Variants in KANK2 observed in about 807,000 individuals in gnomAD.
KANK2 encodes KN motif and ankyrin repeat domain-containing protein 2.
In KANK2, 41 loss-of-function variants were observed where a neutral mutation model predicts 74.6. The ratio of observed to expected loss-of-function variants is 0.55; its 90% CI spans 0.43 to 0.71. The LOEUF (loss-of-function observed/expected upper bound fraction) is 0.71, where lower values mean the gene tolerates loss of function less well. Ranked by LOEUF, KANK2 falls within the 30% of genes least tolerant of loss-of-function variation. The pLI is 0.00. For missense variants in KANK2, 1,148 were observed against 1,196.4 expected (o/e 0.96, Z 0.60); for synonymous variants, 537 against 519.0 (o/e 1.03, Z -0.47).
chr19:11,192,718 C>T (rs766404783), intron 4 of KANK2, 113 bp downstream of exon 4: 27 of 1,328,146 alleles, frequency 2.0e-5, no homozygotes, highest in Middle Eastern at 1.8e-4. Context: ...TACAGGCATG[C>T]GCCACCGCAC....
At chr19:11,189,215 C>T (rs902843775) in intron 4 of KANK2, among the ~76,000 whole-genome samples, 17 of 151,044 alleles carry the variant, frequency 1.1e-4, no homozygotes, top group Non-Finnish European at 2.1e-4. Context: ...TTTTGGCCTC[C>T]GAAAGCTCCA....
At position 11,173,124 on chromosome 19, in the gene KANK2, C is replaced by G; in HGVS notation, c.2069-1G>C. 6.2e-7 allele frequency: 1 copy of G among 1,612,000 alleles called. No individual in the cohort carries two copies. Among genetic ancestry groups the G allele is most frequent in the Non-Finnish European group, 8.5e-7 (1 of 1,178,986 alleles). Reference sequence around the variant, plus strand: ...TTCTGTTTGTCCACCTTGCAGACACCTAAGAGACATGGTGTGAACCCTCAG... The same window carrying G: ...TTCTGTTTGTCCACCTTGCAGACACGTAAGAGACATGGTGTGAACCCTCAG... On this transcript the variant is annotated splice_acceptor_variant, in intron 9 of 12. Coordinates refer to ENST00000586659, the MANE Select transcript of KANK2 (RefSeq NM_001136191.3). LOFTEE classifies it high-confidence loss of function.
intron 12 of KANK2, among the ~76,000 whole-genome samples, chr19:11,166,948 A>G (rs932905321): frequency 2.0e-5 from 3 of 152,184 alleles, no homozygotes; most frequent in Admixed American, 2.0e-4. Flanking sequence ...AGGCCCTGGG[A>G]TAAGTGCAGA....
chr19:11,186,566 G>C (rs2147546093), intron 4 of KANK2, among the ~76,000 whole-genome samples: 1 of 151,928 alleles, frequency 6.6e-6, no homozygotes, highest in South Asian at 2.1e-4. Context: ...GCGTGGTGGG[G>C]CGCATGCCTG....
chr19:11,172,706 C>T (rs931700249), intron 10 of KANK2, among the ~76,000 whole-genome samples: 15 of 152,252 alleles, frequency 9.9e-5, no homozygotes, highest in East Asian at 7.7e-4. Flanking sequence ...CCTGCTTGTT[C>T]GCCATTTCAG....
At chr19:11,188,732 C>T (rs1459075858) in intron 4 of KANK2, among the ~76,000 whole-genome samples, 1 of 151,670 alleles carries the variant, frequency 6.6e-6, no homozygotes, top group African/African-American at 2.4e-5. Flanking sequence ...GCCTGTAATC[C>T]CAGCACTTTG....
chr19:11,193,450 A>G lies in KANK2; in HGVS notation c.630T>C (p.Pro210=). The part of the protein sequence containing the change: ...RQLEEQVKLI[P]VLQVKLSVLQ... ...GCACCGAGAGCTTCACCTGGAGCAC[A>G]GGGATCAGCTTCACCTGCTCCTCCA... is the stretch of plus-strand genomic sequence containing the variant. The change falls in exon 4 of 13, where the codon CCT becomes CCC. Residue 210 remains proline, a synonymous_variant. Transcript: ENST00000586659. This position sits in a 1 kb window ranked among gnomAD's most constrained non-coding sequence, Gnocchi z 9.6. 1.2e-6 allele frequency: 2 copies of G among 1,611,888 alleles called. No homozygotes were observed. The highest frequency in any genetic ancestry group is 1.7e-6 in the Non-Finnish European group (2 of 1,179,848).
At position 11,169,293 on chromosome 19, in the gene KANK2, G is replaced by C. The variant is rs148132045; in HGVS notation, c.2502+584C>G. Among the ~76,000 whole-genome samples, 19 of 152,208 alleles carry C rather than the reference G, an allele frequency of 1.2e-4. No homozygotes were observed. In the East Asian group the frequency reaches 3.7e-3, roughly 29 times the overall value. ...ATACAGGTTACAGTGAGCCAAGATT[G>C]TGCCACTGTACTCCAGCCTGGGTGA... On this transcript the variant is annotated intron_variant, in intron 12 of 12. Coordinates refer to ENST00000586659, the MANE Select transcript of KANK2 (RefSeq NM_001136191.3).
intron 4 of KANK2, among the ~76,000 whole-genome samples, chr19:11,189,855 A>G (rs2078790221): frequency 6.6e-6 from 1 of 152,146 alleles, no homozygotes; most frequent in Non-Finnish European, 1.5e-5. Flanking sequence ...TGCCTCTCAG[A>G]GATTCCGAGG....
At position 11,169,954 on chromosome 19, in the gene KANK2, C is replaced by T. The variant is rs748921684; in HGVS notation, c.2425G>A (p.Ala809Thr). 22 of 1,614,092 alleles carry T rather than the reference C, an allele frequency of 1.4e-5. No individual in the cohort carries two copies. The East Asian group carries it at 3.8e-4, about 28-fold the overall frequency. The part of the protein sequence containing the change: ...ISLTDRDGST[A>T]LMVALDAGQS... ...CCTGCGTCCAAGGCCACCATCAGAG[C>T]TGTGCTCCCATCCTGCAAAGTATCC... The change falls in exon 12 of 13, where the codon GCT becomes ACT. Residue 809 changes from alanine (A) to threonine (T), a missense_variant. Ala to Thr is a moderately conservative substitution (Grantham distance 58). Transcript: ENST00000586659.
At chr19:11,184,192 A>G (rs1047203281) in intron 4 of KANK2, among the ~76,000 whole-genome samples, 1 of 151,326 alleles carries the variant, frequency 6.6e-6, no homozygotes, top group Non-Finnish European at 1.5e-5. Flanking sequence ...CCTGGCCAAC[A>G]TGGTGAAACC....
intron 9 of KANK2, 96 bp from the exon 10 acceptor site, chr19:11,173,219 T>G: frequency 7.5e-7 from 1 of 1,330,214 alleles, no homozygotes; most frequent in Non-Finnish European, 1.0e-6. Flanking sequence ...AGTCTAGGCA[T>G]GCCCTAATCC....
intron 4 of KANK2, among the ~76,000 whole-genome samples, chr19:11,180,267 GTTT>G (rs763260101): frequency 2.0e-4 from 31 of 152,098 alleles, no homozygotes; most frequent in Admixed American, 1.4e-3. Context: ...GGTTGTTGGG[GTTT>G]TTTTCTTTGT....
chr19:11,185,256 C>CAAA (rs2078644248), intron 4 of KANK2, among the ~76,000 whole-genome samples: 1 of 146,024 alleles, frequency 6.8e-6, no homozygotes, highest in African/African-American at 2.5e-5. Flanking sequence ...CCCATCTCCA[C>CAAA]AACAACAACA....
intron 6 of KANK2, among the ~76,000 whole-genome samples, chr19:11,177,716 G>A (rs183474137): frequency 4.7e-4 from 72 of 152,230 alleles, no homozygotes; most frequent in Non-Finnish European, 1.9e-4. Flanking sequence ...GCTCTCTCGT[G>A]TTTCTTGCTG....
intron 6 of KANK2, among the ~76,000 whole-genome samples, 181 bp downstream of exon 6, chr19:11,178,164 A>C (rs1440562699): frequency 6.6e-6 from 1 of 152,162 alleles, no homozygotes; most frequent in Non-Finnish European, 1.5e-5. Flanking sequence ...TCACTGAGTG[A>C]GCTCCAGAAA....
Position 11,173,212 on chromosome 19 carries a change from C to G in KANK2, c.2069-89G>C, listed in dbSNP as rs1235807484. On this transcript the variant is annotated intron_variant, in intron 9 of 12. Coordinates refer to ENST00000586659, the MANE Select transcript of KANK2 (RefSeq NM_001136191.3). ...TGGATACCACGTCTCGTCCATCAGTCTAGGCATGCCCTAATCCCTCCCTTT... is the reference window on the plus strand; with the variant it reads ...TGGATACCACGTCTCGTCCATCAGTGTAGGCATGCCCTAATCCCTCCCTTT... 2.9e-6 allele frequency: 4 copies of G among 1,397,206 alleles called. No individual in the cohort carries two copies. In the African/African-American group the frequency reaches 5.7e-5, roughly 20 times the overall value. The allele number at this position is 1,397,206 out of a possible 1,614,324, so 86.6% of individuals were successfully genotyped here.
chr19:11,174,782 T>G, intron 8 of KANK2, 90 bp from the exon 9 acceptor site: 1 of 1,014,170 alleles, frequency 9.9e-7, no homozygotes, highest in African/African-American at 1.6e-5. Context: ...GAGCAAAGCG[T>G]GGTGCCCTTG....
Position 11,176,771 on chromosome 19 carries a change from C to T in KANK2, c.1567G>A (p.Asp523Asn). 1 of 1,594,224 alleles carries T rather than the reference C, an allele frequency of 6.3e-7. No individual in the cohort carries two copies. The highest frequency in any genetic ancestry group is 1.1e-5 in the South Asian group (1 of 88,406). Residue 523 changes from aspartate (D) to asparagine (N), a missense_variant, in exon 7 of 13, where the codon GAC (aspartate) becomes AAC (asparagine). Coordinates refer to ENST00000586659, the MANE Select transcript of KANK2 (RefSeq NM_001136191.3). Reference protein sequence around the residue: ...EDSSTAENISDNDSTENEAPE... With the variant: ...EDSSTAENISNNDSTENEAPE... ...GCCTCGTTCTCTGTGCTGTCGTTGTCTGAGATGTTCTCTGCTGTGCTGGAG... is the reference window on the plus strand; with the variant it reads ...GCCTCGTTCTCTGTGCTGTCGTTGTTTGAGATGTTCTCTGCTGTGCTGGAG...
Sources: gnomAD v4.1 joint callset for allele counts (sites outside exome capture counted in the v4.1 genomes callset) on GRCh38, gnomAD v4.1.1 for gene constraint, Gnocchi (gnomAD v3.1) non-coding constraint, MANE v1.5 for transcripts, NCBI Gene and HGNC (gene_info 2026-07-23, HGNC 2026-07-21) for gene names.